Variants in KCNQ5 observed in about 807,000 individuals in gnomAD.
The protein encoded by KCNQ5 is potassium voltage-gated channel subfamily Q member 5.
Under a neutral mutation model 98.2 loss-of-function variants are expected in KCNQ5, and 30 were observed. The ratio of observed to expected loss-of-function variants is 0.31; its 90% CI spans 0.23 to 0.41. The LOEUF (loss-of-function observed/expected upper bound fraction) is 0.41, where lower values mean the gene tolerates loss of function less well. Ranked by LOEUF, KCNQ5 falls within the 10% of genes least tolerant of loss-of-function variation. The pLI, the probability that KCNQ5 is intolerant of heterozygous loss-of-function variation, is 1.00. For synonymous variants in KCNQ5, 458 were observed against 449.4 expected, an observed-to-expected ratio of 1.02 and a Z score of -0.24; for missense variants, 835 against 1,182.5, an observed-to-expected ratio of 0.71 and a Z score of 4.31.
rs184121311 is a variant in KCNQ5, at chr6:73,025,503, A to G, written c.490-16433A>G. 6.6e-5 allele frequency among the ~76,000 whole-genome samples: 10 copies of G among 152,100 alleles called. No individual in the cohort carries two copies. In the East Asian group the frequency reaches 1.7e-3, roughly 27 times the overall value. ...GCTGGGCATGGTGGCACACACTTGT[A>G]ATCCCAGCTACTCAGGAGGCTGAGG... is the stretch of plus-strand genomic sequence containing the variant. On this transcript the variant is annotated intron_variant, in intron 2 of 13. Transcript: ENST00000370398.
intron 1 of KCNQ5, among the ~76,000 whole-genome samples, chr6:72,669,679 C>A (rs1565070023): frequency 6.6e-6 from 1 of 152,164 alleles, no homozygotes; most frequent in Non-Finnish European, 1.5e-5. Context: ...GCTCTATGGT[C>A]TGGTCCTGTA....
intron 1 of KCNQ5, among the ~76,000 whole-genome samples, chr6:72,686,981 A>G (rs1233851223): frequency 6.6e-6 from 1 of 152,168 alleles, no homozygotes; most frequent in Non-Finnish European, 1.5e-5. Context: ...GTCACTGTAA[A>G]CATAATCTGG....
At chr6:72,626,469 T>G (rs1469399932) in intron 1 of KCNQ5, among the ~76,000 whole-genome samples, 1 of 152,194 alleles carries the variant, frequency 6.6e-6, no homozygotes, top group Non-Finnish European at 1.5e-5. Flanking sequence ...AAAAGGCAAA[T>G]CACCAATCTG....
At chr6:73,128,352 TA>T (rs1265893005) in intron 9 of KCNQ5, among the ~76,000 whole-genome samples, 5 of 152,228 alleles carry the variant, frequency 3.3e-5, no homozygotes, top group African/African-American at 1.2e-4. Flanking sequence ...TTCATTCTAT[TA>T]AAAAATTAGT....
chr6:72,813,987 G>A (rs1353863467), intron 1 of KCNQ5, among the ~76,000 whole-genome samples: 1 of 152,108 alleles, frequency 6.6e-6, no homozygotes, highest in African/African-American at 2.4e-5. Context: ...CTTGCTGACT[G>A]TATAAAGATT....
chr6:72,900,596 T>C (rs1272757224), intron 1 of KCNQ5, among the ~76,000 whole-genome samples: 2 of 150,360 alleles, frequency 1.3e-5, no homozygotes, highest in African/African-American at 5.0e-5. Flanking sequence ...CAGTTGCGAA[T>C]TGTGCTGCTA....
At chr6:73,095,561 G>A (rs1028066931) in intron 5 of KCNQ5, among the ~76,000 whole-genome samples, 2 of 152,156 alleles carry the variant, frequency 1.3e-5, no homozygotes, top group Non-Finnish European at 2.9e-5. Flanking sequence ...CTCTGTCAGA[G>A]GGAAGATCTA....
chr6:72,970,971 A>G (rs899112580), intron 1 of KCNQ5, among the ~76,000 whole-genome samples: 1 of 152,252 alleles, frequency 6.6e-6, no homozygotes, highest in Non-Finnish European at 1.5e-5. Context: ...ACCAAAAGCA[A>G]TGGCAACAAA....
Position 72,736,111 on chromosome 6 carries a change from G to A in KCNQ5, c.398+113524G>A, listed in dbSNP as rs888928243. ...CACACACACACACACACACACACACGGATTCCCCAATTCAAATTTTTAACA... is the reference window on the plus strand; with the variant it reads ...CACACACACACACACACACACACACAGATTCCCCAATTCAAATTTTTAACA... On this transcript the variant is annotated intron_variant, in intron 1 of 13. Transcript: ENST00000370398. Among the ~76,000 whole-genome samples the A allele has an allele frequency of 6.5e-5, 9 of 138,434 alleles. No homozygotes were observed. In the South Asian group the frequency reaches 9.3e-4, roughly 14 times the overall value. The allele number at this position is 138,434 out of a possible 152,430, so 90.8% of individuals were successfully genotyped here. A position where few individuals can be genotyped will look rare whatever the true frequency, so the allele number is the denominator to read the frequency against.
In KCNQ5 at chr6:72,658,559, G is replaced by GATATATAT. The variant is rs1189137122; in HGVS notation, c.398+35985_398+35992dup. The stretch of plus-strand genomic sequence containing the variant: ...GCCTCCCAAAGTGCTGGGATTAAAG[G>GATATATAT]ATATATATATATATATATATTTTTT... On this transcript the variant is annotated intron_variant, in intron 1 of 13. Coordinates refer to ENST00000370398, the MANE Select transcript of KCNQ5 (RefSeq NM_019842.4). Among the ~76,000 whole-genome samples the GATATATAT allele has an allele frequency of 5.0e-3, 438 of 88,370 alleles. 4 individuals carry two copies. Among genetic ancestry groups the GATATATAT allele is most frequent in the Non-Finnish European group, 5.6e-3 (295 of 52,398 alleles). The allele number at this position is 88,370 out of a possible 152,430, so 58.0% of individuals were successfully genotyped here.
At chr6:73,046,595 T>C (rs1771966838) in intron 3 of KCNQ5, among the ~76,000 whole-genome samples, 1 of 147,812 alleles carries the variant, frequency 6.8e-6, no homozygotes, top group Non-Finnish European at 1.5e-5. Context: ...TTTATTTTAC[T>C]TTACTTTATT....
chr6:72,723,501 T>C (rs1485968106), intron 1 of KCNQ5, among the ~76,000 whole-genome samples: 2 of 152,234 alleles, frequency 1.3e-5, no homozygotes, highest in Non-Finnish European at 2.9e-5. Flanking sequence ...TGTTATGCTT[T>C]GCTATCATAT....
chr6:72,960,000 G>A (rs190853652), intron 1 of KCNQ5, among the ~76,000 whole-genome samples: 1 of 152,352 alleles, frequency 6.6e-6, no homozygotes, highest in East Asian at 1.9e-4. Context: ...CTGTAGGCCA[G>A]AAGGGAAAGG....
chr6:72,701,529 G>A (rs1374563690), intron 1 of KCNQ5, among the ~76,000 whole-genome samples: 1 of 152,094 alleles, frequency 6.6e-6, no homozygotes, highest in Non-Finnish European at 1.5e-5. Context: ...CCATGCATAT[G>A]GAGAAAAGAA....
At chr6:73,065,185 C>T (rs1772993005) in intron 3 of KCNQ5, among the ~76,000 whole-genome samples, 1 of 152,140 alleles carries the variant, frequency 6.6e-6, no homozygotes, top group Non-Finnish European at 1.5e-5. Context: ...TAGTTCTGCC[C>T]TTCAAATAGT....
intron 1 of KCNQ5, among the ~76,000 whole-genome samples, chr6:72,754,318 A>AT: frequency 6.6e-6 from 1 of 152,246 alleles, no homozygotes; most frequent in South Asian, 2.1e-4. Context: ...AATATGCTGA[A>AT]TATTGACCCA....
intron 1 of KCNQ5, among the ~76,000 whole-genome samples, chr6:72,627,959 C>A (rs1417731037): frequency 2.0e-5 from 3 of 152,196 alleles, no homozygotes; most frequent in Admixed American, 6.5e-5. Flanking sequence ...CTTTCAGGTT[C>A]CATGGCACTC....
At chr6:72,944,041 T>C (rs1310537650) in intron 1 of KCNQ5, among the ~76,000 whole-genome samples, 1 of 152,204 alleles carries the variant, frequency 6.6e-6, no homozygotes, top group African/African-American at 2.4e-5. Context: ...CCAGAATGTT[T>C]AGCCCCAAAG....
At chr6:73,112,889 A>G (rs1421343705) in intron 7 of KCNQ5, among the ~76,000 whole-genome samples, 2 of 152,244 alleles carry the variant, frequency 1.3e-5, no homozygotes, top group Non-Finnish European at 2.9e-5. Flanking sequence ...ACTGTTGACA[A>G]GAAAGTAGAC....
Sources: gnomAD v4.1 joint callset for allele counts (sites outside exome capture counted in the v4.1 genomes callset) on GRCh38, gnomAD v4.1.1 for gene constraint, MANE v1.5 for transcripts, NCBI Gene and HGNC (gene_info 2026-07-23, HGNC 2026-07-21) for gene names.